Variants in NKAIN2 observed in about 807,000 individuals in gnomAD.
NKAIN2 encodes sodium/potassium transporting ATPase interacting 2, also known as sodium/potassium-transporting ATPase subunit beta-1-interacting protein 2.
In NKAIN2, 14 loss-of-function variants were observed where a neutral mutation model predicts 32.6. The ratio of observed to expected loss-of-function variants is 0.43; its 90% confidence interval spans 0.28 to 0.67. The LOEUF (loss-of-function observed/expected upper bound fraction) is 0.67. Among genes scored for constraint, NKAIN2 ranks in the 30% least tolerant of loss-of-function variants. The pLI is 0.17. For missense variants in NKAIN2, 198 were observed against 258.3 expected (o/e 0.77, Z 1.60); for synonymous variants, 80 against 87.2 (o/e 0.92, Z 0.46).
At chr6:124,052,679 G>A (rs965636549) in intron 1 of NKAIN2, among the ~76,000 whole-genome samples, 1 of 151,992 alleles carries the variant, frequency 6.6e-6, no homozygotes, top group Admixed American at 6.6e-5. Flanking sequence ...GAACTATGGG[G>A]GATGGCAGAA....
intron 1 of NKAIN2, among the ~76,000 whole-genome samples, chr6:124,137,356 T>C (rs147739428): frequency 3.3e-5 from 5 of 151,990 alleles, no homozygotes; most frequent in African/African-American, 9.7e-5. Flanking sequence ...AAAGAAATCA[T>C]AGATGTCCAC....
chr6:123,963,751 G>A (rs780855786), intron 1 of NKAIN2, among the ~76,000 whole-genome samples: 20 of 152,146 alleles, frequency 1.3e-4, no homozygotes, highest in South Asian at 6.2e-4. Flanking sequence ...AAAACAATCC[G>A]TCTGAAGTCC....
chr6:123,926,761 A>G (rs920486398), intron 1 of NKAIN2, among the ~76,000 whole-genome samples: 4 of 152,166 alleles, frequency 2.6e-5, no homozygotes, highest in Non-Finnish European at 4.4e-5. Context: ...TCTCTAGTCA[A>G]CCTTTGGACA....
At chr6:124,581,230 G>A (rs1369071051) in intron 3 of NKAIN2, among the ~76,000 whole-genome samples, 2 of 152,054 alleles carry the variant, frequency 1.3e-5, no homozygotes. Flanking sequence ...ATGAGGTCAC[G>A]AGATCGAGAC....
At chr6:124,260,775 GTC>G (rs10533015) in intron 1 of NKAIN2, among the ~76,000 whole-genome samples, 50,191 of 151,916 alleles carry the variant, frequency 0.33, 9,972 homozygotes, top group African/African-American at 0.55. Context: ...GCATGGAAAA[GTC>G]TCTAATATAT....
chr6:124,024,168 A>G (rs1216710641), intron 1 of NKAIN2, among the ~76,000 whole-genome samples: 1 of 152,098 alleles, frequency 6.6e-6, no homozygotes, highest in Non-Finnish European at 1.5e-5. Flanking sequence ...TTCAAGTTTG[A>G]TGATTATTTT....
intron 1 of NKAIN2, among the ~76,000 whole-genome samples, chr6:123,957,365 G>T (rs1055511372): frequency 6.6e-6 from 1 of 152,028 alleles, no homozygotes. Flanking sequence ...AGATGTCTGG[G>T]TCTTTATTTT....
intron 3 of NKAIN2, among the ~76,000 whole-genome samples, chr6:124,421,386 G>C (rs1424781634): frequency 6.6e-6 from 1 of 152,114 alleles, no homozygotes; most frequent in African/African-American, 2.4e-5. Flanking sequence ...TGGAGATGAC[G>C]TCTCAGTTAC....
intron 1 of NKAIN2, among the ~76,000 whole-genome samples, chr6:124,022,326 A>G (rs1035382152): frequency 2.0e-5 from 3 of 152,084 alleles, no homozygotes; most frequent in African/African-American, 4.8e-5. Flanking sequence ...CCAAGTCTTC[A>G]CTATTGTGAA....
chr6:124,614,782 G>A (rs1377813895), intron 3 of NKAIN2, among the ~76,000 whole-genome samples: 1 of 152,086 alleles, frequency 6.6e-6, no homozygotes, highest in Non-Finnish European at 1.5e-5. Context: ...ATGTCACAGA[G>A]ATATAGCTCA....
At chr6:124,678,270 G>T (rs1489626897) in intron 4 of NKAIN2, among the ~76,000 whole-genome samples, 2 of 152,048 alleles carry the variant, frequency 1.3e-5, no homozygotes, top group Non-Finnish European at 2.9e-5. Flanking sequence ...TAGGGAGTTT[G>T]GGGGCACTAT....
intron 1 of NKAIN2, among the ~76,000 whole-genome samples, chr6:124,253,461 G>T (rs1793777665): frequency 6.6e-6 from 1 of 152,006 alleles, no homozygotes; most frequent in South Asian, 2.1e-4. Flanking sequence ...AATAAAATAG[G>T]GATGGAGTTA....
chr6:124,292,004 T>C lies in NKAIN2; in HGVS notation c.192+8862T>C, dbSNP rs987487749. ...AATTCTGGAATTTGCATGCATCATT[T>C]TGATGATTCTTGATGCTTTTCAACA... is the stretch of plus-strand genomic sequence containing the variant. On this transcript the variant is annotated intron_variant, in intron 2 of 6. Transcript: ENST00000368417. 2.2e-4 allele frequency among the ~76,000 whole-genome samples: 34 copies of C among 152,274 alleles called. 1 individual carries two copies. Among genetic ancestry groups the C allele is most frequent in the Admixed American group, 1.8e-3 (28 of 15,280 alleles).
intron 1 of NKAIN2, among the ~76,000 whole-genome samples, chr6:124,213,812 T>A (rs1791314669): frequency 6.6e-6 from 1 of 152,184 alleles, no homozygotes; most frequent in African/African-American, 2.4e-5. Flanking sequence ...CTATAGTCAA[T>A]CTGTGGTTGC....
At chr6:124,685,033 T>C (rs1407073895) in intron 4 of NKAIN2, among the ~76,000 whole-genome samples, 1 of 152,182 alleles carries the variant, frequency 6.6e-6, no homozygotes, top group Admixed American at 6.6e-5. Flanking sequence ...TTAGTTACTT[T>C]ATATATTGGG....
intron 1 of NKAIN2, among the ~76,000 whole-genome samples, chr6:124,271,724 T>G (rs1794800506): frequency 6.6e-6 from 1 of 152,202 alleles, no homozygotes; most frequent in Non-Finnish European, 1.5e-5. Context: ...TGAAACTTCC[T>G]AGAGACTTGT....
chr6:124,558,789 A>T (rs1159358074), intron 3 of NKAIN2, among the ~76,000 whole-genome samples: 2 of 152,250 alleles, frequency 1.3e-5, no homozygotes. Context: ...TTCTACTAAA[A>T]ATACAAAAAA....
At chr6:124,267,492 A>G (rs1794555159) in intron 1 of NKAIN2, among the ~76,000 whole-genome samples, 1 of 151,722 alleles carries the variant, frequency 6.6e-6, no homozygotes, top group Non-Finnish European at 1.5e-5. Flanking sequence ...AAAAAAAAAA[A>G]AAAAAAAAAA....
intron 4 of NKAIN2, among the ~76,000 whole-genome samples, chr6:124,723,324 T>A (rs542328550): frequency 2.5e-4 from 38 of 152,258 alleles, no homozygotes; most frequent in Non-Finnish European, 5.0e-4. Context: ...ACCATTATCA[T>A]CACTGAATTG....
Sources: allele counts gnomAD v4.1 joint callset (sites outside exome capture counted in the v4.1 genomes callset), GRCh38; gene constraint gnomAD v4.1.1; transcripts MANE v1.5; gene names NCBI Gene and HGNC (gene_info 2026-07-23, HGNC 2026-07-21).